DLGAP2: variants seen among roughly 807,000 people sequenced by gnomAD.
DLGAP2 encodes the protein DLG associated protein 2.
Under a neutral mutation model 100.3 loss-of-function variants are expected in DLGAP2, and 26 were observed. The ratio of observed to expected loss-of-function variants is 0.26; its 90% CI spans 0.19 to 0.36. The LOEUF (loss-of-function observed/expected upper bound fraction) is 0.36. Ranked by LOEUF, DLGAP2 falls within the 10% of genes least tolerant of loss-of-function variation. DLGAP2 has a pLI of 1.00. For synonymous variants in DLGAP2, 886 were observed against 630.1 expected (o/e 1.41, Z -6.08); for missense variants, 1,858 against 1,453.2 (o/e 1.28, Z -4.53).
intron 1 of DLGAP2, among the ~76,000 whole-genome samples, chr8:767,177 C>T (rs958800407): frequency 6.6e-6 from 1 of 152,072 alleles, no homozygotes; most frequent in Non-Finnish European, 1.5e-5. Context: ...CACGGCTCCG[C>T]TTCTTCCTGG....
intron 6 of DLGAP2, among the ~76,000 whole-genome samples, chr8:1,624,813 A>C (rs1220353669): frequency 6.6e-6 from 1 of 151,450 alleles, no homozygotes; most frequent in Non-Finnish European, 1.5e-5. Context: ...GTAAAATTAG[A>C]ATCAGCTCAA....
Position 737,795 on chromosome 8 carries a change from G to A in DLGAP2, c.-13G>A. 1 of 379,060 alleles carries A rather than the reference G, an allele frequency of 2.6e-6. No homozygotes were observed. The highest frequency in any genetic ancestry group is 4.7e-6 in the Non-Finnish European group (1 of 213,244). The allele number at this position is 379,060 out of a possible 1,614,324, so 23.5% of individuals were successfully genotyped here. Reference sequence around the variant, plus strand: ...ATGTCGCCCCGCACCTGCTGAGCCCGGAGCGTCCGAGGATGTCCGCGCTGA... The same window carrying A: ...ATGTCGCCCCGCACCTGCTGAGCCCAGAGCGTCCGAGGATGTCCGCGCTGA... On this transcript the variant is annotated 5_prime_UTR_variant, in exon 1 of 15. Transcript: ENST00000637795.
intron 2 of DLGAP2, among the ~76,000 whole-genome samples, chr8:1,209,935 C>A (rs2116782823): frequency 6.6e-6 from 1 of 152,306 alleles, no homozygotes; most frequent in African/African-American, 2.4e-5. Context: ...GGTGCTTGAC[C>A]ACTTTCAACT....
intron 2 of DLGAP2, among the ~76,000 whole-genome samples, chr8:1,166,224 C>G (rs148402085): frequency 1.1e-3 from 174 of 152,298 alleles, no homozygotes; most frequent in African/African-American, 4.0e-3. Context: ...TGCACCACAT[C>G]CTTCTACCCT....
chr8:1,036,189 C>T (rs1410573812), intron 2 of DLGAP2, among the ~76,000 whole-genome samples: 10 of 150,710 alleles, frequency 6.6e-5, no homozygotes, highest in East Asian at 2.0e-4. Context: ...CGCGTGTCAC[C>T]GCGAGTGGGT....
intron 3 of DLGAP2, among the ~76,000 whole-genome samples, chr8:1,460,125 T>C (rs733598): frequency 0.54 from 81,138 of 151,624 alleles, 22,294 homozygotes; most frequent in East Asian, 0.87. Context: ...GACTCGGTTC[T>C]GCGGCCCCGG....
intron 4 of DLGAP2, among the ~76,000 whole-genome samples, chr8:1,513,933 C>T (rs964511523): frequency 3.3e-5 from 5 of 152,230 alleles, no homozygotes; most frequent in Admixed American, 2.6e-4. Context: ...TACTGAAACC[C>T]TGCTGCCTAC....
intron 2 of DLGAP2, among the ~76,000 whole-genome samples, chr8:1,115,434 G>A (rs913214381): frequency 4.6e-5 from 7 of 152,120 alleles, no homozygotes; most frequent in Admixed American, 4.6e-4. Context: ...CCTTTACTGG[G>A]CATGTTTCTT....
chr8:1,509,718 G>A (rs4875868), intron 4 of DLGAP2, among the ~76,000 whole-genome samples: 21,942 of 152,148 alleles, frequency 0.14, 1,737 homozygotes, highest in Non-Finnish European at 0.16. Flanking sequence ...AGAAGGGATC[G>A]TAACCTTCCT....
At chr8:1,367,603 G>C (rs1237948158) in intron 3 of DLGAP2, among the ~76,000 whole-genome samples, 1 of 152,194 alleles carries the variant, frequency 6.6e-6, no homozygotes, top group Admixed American at 6.5e-5. Flanking sequence ...CATCAGGAAA[G>C]GCATAGCTCA....
rs553177950 is a variant in DLGAP2 at position 1,224,862 on chromosome 8, G to C, written c.74-33989G>C. 2.0e-5 allele frequency among the ~76,000 whole-genome samples: 3 copies of C among 152,366 alleles called. No homozygotes were observed. In the South Asian group the frequency reaches 6.2e-4, roughly 32 times the overall value. ...TAAAACTATGAGTCCCTGGGGAGAT[G>C]CGAGTCAAAACCGCAGTGAACTGCT... On this transcript the variant is annotated intron_variant, in intron 2 of 14. Transcript: ENST00000637795.
At chr8:1,242,539 C>G (rs180807558) in intron 2 of DLGAP2, among the ~76,000 whole-genome samples, 1 of 152,350 alleles carries the variant, frequency 6.6e-6, no homozygotes, top group East Asian at 1.9e-4. Flanking sequence ...TGCTGAGGTA[C>G]ATTTCCTCAA....
chr8:1,096,762 C>T (rs1181491263), intron 2 of DLGAP2, among the ~76,000 whole-genome samples: 2 of 138,418 alleles, frequency 1.4e-5, no homozygotes, highest in Admixed American at 7.0e-5. Context: ...GAGCCCGGGG[C>T]AGGCCTTCAC....
intron 1 of DLGAP2, among the ~76,000 whole-genome samples, chr8:811,673 C>T (rs1796372883): frequency 6.7e-6 from 1 of 149,434 alleles, no homozygotes; most frequent in Non-Finnish European, 1.5e-5. Context: ...TGCCAGGGCT[C>T]CTGCCGTGGT....
At chr8:1,297,312 T>C (rs890510957) in intron 3 of DLGAP2, 1 of 152,238 alleles carries the variant, frequency 6.6e-6, no homozygotes, top group Non-Finnish European at 1.5e-5. Flanking sequence ...CCCTGCTGTT[T>C]AGGATGAGAA....
chr8:1,229,288 T>G (rs1798484497), intron 2 of DLGAP2, among the ~76,000 whole-genome samples: 1 of 151,908 alleles, frequency 6.6e-6, no homozygotes, highest in Admixed American at 6.6e-5. Context: ...TTTTTTGGAA[T>G]AGTTTTAGAA....
At chr8:1,664,013 T>C (rs1798480474) in intron 8 of DLGAP2, among the ~76,000 whole-genome samples, 2 of 152,222 alleles carry the variant, frequency 1.3e-5, no homozygotes, top group Non-Finnish European at 2.9e-5. Flanking sequence ...AAGTTTGCAG[T>C]ATCCTTATGC....
At chr8:1,640,909 C>T (rs997050007) in intron 8 of DLGAP2, among the ~76,000 whole-genome samples, 3 of 152,158 alleles carry the variant, frequency 2.0e-5, no homozygotes, top group East Asian at 1.9e-4. Context: ...GTACTTTATC[C>T]GTTGTGCGCT....
chr8:1,113,137 A>G (rs1010442917), intron 2 of DLGAP2, among the ~76,000 whole-genome samples: 1 of 152,092 alleles, frequency 6.6e-6, no homozygotes. Context: ...GGATAATATG[A>G]TGCCTCCAGC....
Sources: allele counts gnomAD v4.1 joint callset (sites outside exome capture counted in the v4.1 genomes callset), GRCh38; gene constraint gnomAD v4.1.1; transcripts MANE v1.5; gene names NCBI Gene and HGNC (gene_info 2026-07-23, HGNC 2026-07-21).